Variants in TBC1D5 observed in about 807,000 individuals in gnomAD.
The protein encoded by TBC1D5 is TBC1 domain family member 5, also known as TBC1 domain family, member 5.
In TBC1D5, 75 loss-of-function variants were observed where a neutral mutation model predicts 100.3. The observed-to-expected ratio is 0.75, with a 90% CI of 0.62 to 0.91. TBC1D5 has a LOEUF of 0.91. TBC1D5 is among the 40% of genes least tolerant of loss of function. The pLI, the probability that TBC1D5 is intolerant of heterozygous loss-of-function variation, is 0.00. For synonymous variants in TBC1D5, 323 were observed against 325.6 expected, an observed-to-expected ratio of 0.99 and a Z score of 0.09; for missense variants, 910 against 942.4, an observed-to-expected ratio of 0.97 and a Z score of 0.45.
chr3:17,344,075 T>A (rs553709688), intron 13 of TBC1D5, among the ~76,000 whole-genome samples: 5 of 152,290 alleles, frequency 3.3e-5, no homozygotes, highest in African/African-American at 1.2e-4. Flanking sequence ...CAATTTTGGA[T>A]CTTTCCTGCT....
intron 21 of TBC1D5, 45 bp from the exon 23 acceptor site, chr3:17,161,301 G>T: frequency 6.4e-7 from 1 of 1,558,626 alleles, no homozygotes. Flanking sequence ...AGAAGAAACT[G>T]GCAAAGAACT....
At chr3:17,617,669 T>C (rs181114700) in intron 2 of TBC1D5, among the ~76,000 whole-genome samples, 33 of 152,354 alleles carry the variant, frequency 2.2e-4, no homozygotes, top group Admixed American at 1.5e-3. Context: ...CTGATACCCT[T>C]TCTTCCACTT....
intron 13 of TBC1D5, among the ~76,000 whole-genome samples, chr3:17,365,366 T>C (rs1293904693): frequency 6.6e-6 from 1 of 152,182 alleles, no homozygotes; most frequent in African/African-American, 2.4e-5. Context: ...CTAAAATACA[T>C]GGTCACTTTG....
intron 2 of TBC1D5, among the ~76,000 whole-genome samples, chr3:17,621,279 T>C (rs1329081019): frequency 6.6e-6 from 1 of 152,196 alleles, no homozygotes; most frequent in African/African-American, 2.4e-5. Context: ...ATAAAGCTTA[T>C]ATATTTCCTA....
At chr3:17,687,015 T>C (rs1355545398) in intron 1 of TBC1D5, among the ~76,000 whole-genome samples, 3 of 152,154 alleles carry the variant, frequency 2.0e-5, no homozygotes, top group East Asian at 1.9e-4. Context: ...CTTTTTTCTA[T>C]GTATAATATG....
intron 13 of TBC1D5, among the ~76,000 whole-genome samples, chr3:17,359,574 T>G (rs1037784273): frequency 2.0e-5 from 3 of 152,030 alleles, no homozygotes; most frequent in Non-Finnish European, 2.9e-5. Context: ...TACAGGCACA[T>G]TTGAAGCCCT....
At position 17,446,477 on chromosome 3, in the gene TBC1D5, G is replaced by A. The variant is rs114966803; in HGVS notation, c.98-17958C>T. Among the ~76,000 whole-genome samples, 1,491 of 152,010 alleles carry A rather than the reference G, an allele frequency of 9.8e-3. 31 individuals are homozygous for A. The highest frequency in any genetic ancestry group is 0.035 in the African/African-American group (1,445 of 41,458). ...TTCACTGAGATTAAAAAAAAAAATA[G>A]GAGAGGAGTTTGGAAGAAAATATCA... is the stretch of plus-strand genomic sequence containing the variant. On this transcript the variant is annotated intron_variant, in intron 3 of 21. Transcript: ENST00000253692.
intron 3 of TBC1D5, among the ~76,000 whole-genome samples, chr3:17,445,639 T>C (rs1386035401): frequency 6.6e-6 from 1 of 152,206 alleles, no homozygotes; most frequent in African/African-American, 2.4e-5. Flanking sequence ...AGAGACTACA[T>C]TCACTTAACT....
chr3:17,415,852 C>CCCTCA (rs1456915519), intron 4 of TBC1D5, among the ~76,000 whole-genome samples: 1 of 152,098 alleles, frequency 6.6e-6, no homozygotes, highest in Non-Finnish European at 1.5e-5. Context: ...CTTCTTCCCA[C>CCCTCA]CCTCACCTCA....
intron 3 of TBC1D5, among the ~76,000 whole-genome samples, chr3:17,504,655 A>G (rs1196801265): frequency 6.6e-6 from 1 of 152,152 alleles, no homozygotes. Flanking sequence ...GGAAGTCACT[A>G]AAGAGTTGTA....
chr3:17,535,172 G>A (rs148274679), intron 2 of TBC1D5, among the ~76,000 whole-genome samples: 309 of 152,244 alleles, frequency 2.0e-3, no homozygotes, highest in Admixed American at 4.4e-3. Context: ...TGACCTACAT[G>A]CAAAAACAGA....
intron 1 of TBC1D5, among the ~76,000 whole-genome samples, chr3:17,704,184 T>TC (rs1174374657): frequency 4.3e-5 from 6 of 138,414 alleles, no homozygotes; most frequent in Non-Finnish European, 9.3e-5. Flanking sequence ...CCGCCCTTAA[T>TC]CCATTTAACC....
chr3:17,193,665 C>T (rs772337067), intron 18 of TBC1D5, among the ~76,000 whole-genome samples: 3 of 152,188 alleles, frequency 2.0e-5, no homozygotes, highest in African/African-American at 4.8e-5. Context: ...CCTGATAAGG[C>T]AGAAATTCTT....
At chr3:17,382,355 C>A (rs2092980747) in intron 9 of TBC1D5, among the ~76,000 whole-genome samples, 3 of 151,890 alleles carry the variant, frequency 2.0e-5, no homozygotes, top group Non-Finnish European at 2.9e-5. Flanking sequence ...ATTATATTAT[C>A]TCCGTTAAAA....
chr3:17,590,819 G>C (rs1197657771), intron 2 of TBC1D5, among the ~76,000 whole-genome samples: 3 of 152,146 alleles, frequency 2.0e-5, no homozygotes, highest in Non-Finnish European at 2.9e-5. Context: ...TAGAGCTTTG[G>C]CATTGACTAA....
Position 17,363,618 on chromosome 3 carries a change from C to T in TBC1D5, c.995+8457G>A, listed in dbSNP as rs1050970714. ...AGAGACAAGGGTCTCACTACCTTGC[C>T]CCCAGCCTGATCTCAAACTCCTGGC... On this transcript the variant is annotated intron_variant, in intron 13 of 21. Transcript: ENST00000253692. Among the ~76,000 whole-genome samples, 15 of 151,046 alleles carry T rather than the reference C, an allele frequency of 9.9e-5. No individual in the cohort carries two copies. The East Asian group carries it at 1.9e-3, about 20-fold the overall frequency.
chr3:17,518,140 G>A (rs547089260), intron 2 of TBC1D5, among the ~76,000 whole-genome samples: 13 of 152,102 alleles, frequency 8.5e-5, no homozygotes, highest in Non-Finnish European at 1.5e-5. Flanking sequence ...GAAGTGATAG[G>A]GACCGGGGGC....
At chr3:17,211,669 T>C (rs991405598) in intron 18 of TBC1D5, among the ~76,000 whole-genome samples, 1 of 152,206 alleles carries the variant, frequency 6.6e-6, no homozygotes, top group African/African-American at 2.4e-5. Flanking sequence ...AGGTTCAGCT[T>C]TCTTAGGCTG....
chr3:17,532,599 A>G (rs548087698), intron 2 of TBC1D5, among the ~76,000 whole-genome samples: 41 of 152,314 alleles, frequency 2.7e-4, no homozygotes, highest in African/African-American at 8.7e-4. Context: ...ATGTCCAACA[A>G]TGATAGACTG....
Sources: allele counts gnomAD v4.1 joint callset (sites outside exome capture counted in the v4.1 genomes callset), GRCh38; gene constraint gnomAD v4.1.1; transcripts MANE v1.5; gene names NCBI Gene and HGNC (gene_info 2026-07-23, HGNC 2026-07-21).